EXPH5: variants seen among roughly 807,000 people sequenced by gnomAD.
EXPH5 encodes the protein exophilin-5.
A neutral mutation model predicts 41.1 loss-of-function variants in EXPH5; 42 were observed. The observed-to-expected ratio is 1.02, with a 90% CI of 0.80 to 1.32. The LOEUF (loss-of-function observed/expected upper bound fraction) is 1.32, where lower values mean the gene tolerates loss of function less well. Among genes scored for constraint, EXPH5 ranks in the 40% most tolerant of loss-of-function variants. EXPH5 has a pLI of 0.00. For missense variants in EXPH5, 2,298 were observed against 2,314.5 expected (o/e 0.99, Z 0.15); for synonymous variants, 798 against 833.5 (o/e 0.96, Z 0.73).
chr11:108,523,919 C>T (rs887479209), intron 4 of EXPH5, among the ~76,000 whole-genome samples: 1 of 152,206 alleles, frequency 6.6e-6, no homozygotes, highest in Non-Finnish European at 1.5e-5. Flanking sequence ...ATATTATTAA[C>T]AGACATTGAG....
At chr11:108,601,388 G>A in the EXPH5 span, among the ~76,000 whole-genome samples, 1 of 152,052 alleles carries the variant, frequency 6.6e-6, no homozygotes, top group Non-Finnish European at 1.5e-5. Context: ...AACATATAAA[G>A]AAATACAAAT....
At chr11:108,593,146 C>A (rs2094131952) in intron 1 of EXPH5, among the ~76,000 whole-genome samples, 1 of 152,246 alleles carries the variant, frequency 6.6e-6, no homozygotes, top group South Asian at 2.1e-4. Context: ...TGCGCGGCCC[C>A]CGCAGCGCAC....
chr11:108,532,367 T>TATACATATATATATATATATGTATA (rs61454000), intron 3 of EXPH5, among the ~76,000 whole-genome samples: 1 of 20,370 alleles, frequency 4.9e-5, no homozygotes, highest in African/African-American at 3.1e-4. Flanking sequence ...TATATATATA[T>TATACATATATATATATATATGTATA]TTTTTTTTTT....
chr11:108,607,191 A>G, the EXPH5 span, among the ~76,000 whole-genome samples: 16 of 152,378 alleles, frequency 1.1e-4, no homozygotes, highest in East Asian at 2.9e-3. Context: ...TTTCACTCAC[A>G]TGCCTTGAAA....
intron 1 of EXPH5, among the ~76,000 whole-genome samples, chr11:108,566,493 C>T (rs1042661324): frequency 1.8e-4 from 28 of 152,048 alleles, no homozygotes; most frequent in African/African-American, 6.8e-4. Flanking sequence ...GAGAAACTGA[C>T]CAAATGATGA....
chr11:108,593,376 G>A (rs200330965), intron 1 of EXPH5, 42 bp downstream of exon 1: 175 of 1,565,558 alleles, frequency 1.1e-4, no homozygotes, highest in Non-Finnish European at 1.4e-4. Context: ...CGGCCCCTGC[G>A]GGACCCAGGC....
chr11:108,549,006 C>G (rs764711906), intron 1 of EXPH5, among the ~76,000 whole-genome samples: 51 of 152,214 alleles, frequency 3.4e-4, no homozygotes, highest in Non-Finnish European at 5.7e-4. Flanking sequence ...CCAGCCTGCA[C>G]AACGCTCTTC....
intron 3 of EXPH5, among the ~76,000 whole-genome samples, chr11:108,532,596 G>A (rs1415216986): frequency 6.6e-6 from 1 of 151,144 alleles, no homozygotes; most frequent in East Asian, 1.9e-4. Flanking sequence ...CATTTGGCCA[G>A]TTTCTCTTGA....
chr11:108,533,710 G>A (rs1208729842), intron 3 of EXPH5, among the ~76,000 whole-genome samples: 1 of 152,148 alleles, frequency 6.6e-6, no homozygotes, highest in Admixed American at 6.6e-5. Context: ...GATCTGTTGT[G>A]AGCATTGTAG....
intron 2 of EXPH5, 57 bp from the exon 3 acceptor site, chr11:108,539,243 A>G: frequency 2.4e-6 from 3 of 1,261,174 alleles, no homozygotes; most frequent in Non-Finnish European, 3.4e-6. Flanking sequence ...AATATACTTG[A>G]AAGAATGAAG....
At chr11:108,606,152 C>T in the EXPH5 span, among the ~76,000 whole-genome samples, 1 of 152,182 alleles carries the variant, frequency 6.6e-6, no homozygotes, top group South Asian at 2.1e-4. Context: ...CCTCGGCCTC[C>T]CAAAGCACTG....
chr11:108,540,303 A>G (rs2093905798), intron 2 of EXPH5, among the ~76,000 whole-genome samples: 1 of 152,196 alleles, frequency 6.6e-6, no homozygotes, highest in Non-Finnish European at 1.5e-5. Context: ...AGCCTGTGTG[A>G]CAGAGTGAGA....
intron 1 of EXPH5, among the ~76,000 whole-genome samples, chr11:108,591,723 C>T (rs767013894): frequency 1.3e-5 from 2 of 152,172 alleles, no homozygotes; most frequent in South Asian, 2.1e-4. Context: ...TGTAGATACA[C>T]GTGCTTTGTG....
chr11:108,538,024 G>A, intron 3 of EXPH5: 3 of 985,286 alleles, frequency 3.0e-6, no homozygotes, highest in Non-Finnish European at 3.6e-6. Context: ...AATCTACATT[G>A]TGGTCTGCTC....
chr11:108,542,069 G>A (rs1444899517), intron 1 of EXPH5, among the ~76,000 whole-genome samples: 1 of 151,942 alleles, frequency 6.6e-6, no homozygotes, highest in African/African-American at 2.4e-5. Context: ...TAGTAGAGAT[G>A]GGGTTTCACC....
chr11:108,584,653 A>G (rs1267738019), intron 1 of EXPH5, among the ~76,000 whole-genome samples: 3 of 152,208 alleles, frequency 2.0e-5, no homozygotes, highest in Non-Finnish European at 4.4e-5. Context: ...GGCAAAAGCA[A>G]TTTAATGAAG....
chr11:108,556,677 G>C (rs571669237), intron 1 of EXPH5, among the ~76,000 whole-genome samples: 81 of 152,284 alleles, frequency 5.3e-4, no homozygotes, highest in African/African-American at 1.9e-3. Flanking sequence ...GTTTTGCCAT[G>C]TTGGCCAGGC....
rs34026967 is a variant in EXPH5, at chr11:108,510,451, G to A, written c.5056C>T (p.His1686Tyr). 2 of 1,614,078 alleles carry A rather than the reference G, an allele frequency of 1.2e-6. No individual in the cohort carries two copies. The highest frequency in any genetic ancestry group is 1.7e-5 in the Admixed American group (1 of 59,976). The change falls in exon 6 of 6, where the codon CAC becomes TAC. Residue 1686 changes from histidine (H) to tyrosine (Y), a missense_variant. Transcript: ENST00000265843. The stretch of plus-strand genomic sequence containing the variant: ...CTGTTAGACTTCTGGTTGCTGACGT[G>A]TGTAGAAGGTTCTCTGTTGGGTAGT... ...TVLPNREPST[H>Y]VSNQKSNSIS...
At chr11:108,597,794 T>C (rs1321255355), upstream of EXPH5, among the ~76,000 whole-genome samples, 1 of 152,116 alleles carries the variant, frequency 6.6e-6, no homozygotes, top group African/African-American at 2.4e-5. Flanking sequence ...TCATAGATGA[T>C]AATTATCTAC....
Sources: gnomAD v4.1 joint callset for allele counts (sites outside exome capture counted in the v4.1 genomes callset) on GRCh38, gnomAD v4.1.1 for gene constraint, MANE v1.5 for transcripts, NCBI Gene and HGNC (gene_info 2026-07-23, HGNC 2026-07-21) for gene names.